The following SYNPR variants were observed in gnomAD, a reference collection of about 807,000 sequenced individuals.
The protein encoded by SYNPR is synaptoporin.
Under a neutral mutation model 32.9 loss-of-function variants are expected in SYNPR, and 23 were observed. The ratio of observed to expected loss-of-function variants is 0.70; its 90% CI spans 0.50 to 0.99. SYNPR has a LOEUF of 0.99. Ranked by LOEUF, SYNPR falls within the 50% of genes least tolerant of loss-of-function variation. The pLI, the probability that SYNPR is intolerant of heterozygous loss-of-function variation, is 0.00. For missense variants in SYNPR, 318 were observed against 349.3 expected, an observed-to-expected ratio of 0.91 and a Z score of 0.71; for synonymous variants, 146 against 135.9, an observed-to-expected ratio of 1.07 and a Z score of -0.52.
At chr3:63,330,412 T>G (rs1261788659) in intron 2 of SYNPR, 1 of 151,522 alleles carries the variant, frequency 6.6e-6, no homozygotes, top group African/African-American at 2.4e-5. Flanking sequence ...TCAAGTATTT[T>G]AAATGATGTA....
rs147226269 is a variant in SYNPR at position 63,328,253 on chromosome 3, C to A, written c.84+49511C>A. On this transcript the variant is annotated intron_variant, in intron 2 of 5. Coordinates refer to ENST00000478300, the MANE Select transcript of SYNPR (RefSeq NM_001130003.2). ...AATGAGAGTGCCTTCTCAGGTTTCC[C>A]TTTATCCTCAGGTTGCAAAAGCTCA... Among the ~76,000 whole-genome samples, 3 of 152,220 alleles carry A rather than the reference C, an allele frequency of 2.0e-5. No homozygotes were observed. In the East Asian group the frequency reaches 5.8e-4, roughly 30 times the overall value.
intron 2 of SYNPR, among the ~76,000 whole-genome samples, chr3:63,466,901 C>A (rs1700692918): frequency 6.6e-6 from 1 of 152,176 alleles, no homozygotes; most frequent in East Asian, 1.9e-4. Flanking sequence ...CTTTGACATG[C>A]AAATTTGGGA....
chr3:63,554,855 T>C (rs1384516009), intron 3 of SYNPR, among the ~76,000 whole-genome samples: 1 of 152,202 alleles, frequency 6.6e-6, no homozygotes, highest in African/African-American at 2.4e-5. Context: ...ACATGGAAAG[T>C]ATTTCCATTT....
chr3:63,528,760 C>T (rs191821198), intron 3 of SYNPR, among the ~76,000 whole-genome samples: 18 of 152,230 alleles, frequency 1.2e-4, no homozygotes, highest in East Asian at 5.8e-4. Flanking sequence ...GAGTACTACG[C>T]GATCTTCCTC....
At chr3:63,460,220 T>C (rs1700556434) in intron 2 of SYNPR, among the ~76,000 whole-genome samples, 2 of 152,106 alleles carry the variant, frequency 1.3e-5, no homozygotes. Flanking sequence ...ATCTAGCCAT[T>C]GACTGTCTCT....
At chr3:63,452,016 A>G in intron 2 of SYNPR, 1 of 696,908 alleles carries the variant, frequency 1.4e-6, no homozygotes, top group South Asian at 1.5e-5. Flanking sequence ...TTCCTCCCCC[A>G]GACCAGTTCC....
At chr3:63,566,719 T>C (rs1015991326) in intron 4 of SYNPR, among the ~76,000 whole-genome samples, 8 of 152,198 alleles carry the variant, frequency 5.3e-5, no homozygotes, top group African/African-American at 1.9e-4. Context: ...ATAGAACCTC[T>C]CTATACTTCT....
chr3:63,513,778 A>G lies in SYNPR; in HGVS notation c.209+32822A>G, dbSNP rs183559240. Among the ~76,000 whole-genome samples the G allele has an allele frequency of 3.3e-3, 505 of 152,252 alleles. 4 individuals carry two copies. The highest frequency in any genetic ancestry group is 0.02 in the Middle Eastern group (6 of 294). On this transcript the variant is annotated intron_variant, in intron 3 of 5. Transcript: ENST00000478300. ...AGTAAATAATCAAATGAATGTACAA[A>G]TGATGGAAGGAATGAGGAGAGGAAG...
chr3:63,457,888 A>G (rs564596583), intron 2 of SYNPR, among the ~76,000 whole-genome samples: 1 of 152,246 alleles, frequency 6.6e-6, no homozygotes, highest in African/African-American at 2.4e-5. Context: ...GATATTACTG[A>G]TAACTCAGAC....
intron 2 of SYNPR, among the ~76,000 whole-genome samples, chr3:63,415,595 A>T (rs1317262309): frequency 6.6e-6 from 1 of 152,226 alleles, no homozygotes; most frequent in African/African-American, 2.4e-5. Flanking sequence ...AAGCAGCCAT[A>T]GACAATATGT....
At chr3:63,470,360 T>C (rs1700773165) in intron 2 of SYNPR, among the ~76,000 whole-genome samples, 1 of 152,230 alleles carries the variant, frequency 6.6e-6, no homozygotes, top group Non-Finnish European at 1.5e-5. Flanking sequence ...TATTTTTTTA[T>C]AGGAATGAAA....
intron 2 of SYNPR, among the ~76,000 whole-genome samples, chr3:63,313,176 C>T (rs577592009): frequency 6.6e-6 from 1 of 152,096 alleles, no homozygotes; most frequent in South Asian, 2.1e-4. Context: ...ATCTTCCTAA[C>T]TCAAGTGGCC....
At chr3:63,497,497 A>G (rs1701393637) in intron 3 of SYNPR, among the ~76,000 whole-genome samples, 1 of 151,734 alleles carries the variant, frequency 6.6e-6, no homozygotes, top group South Asian at 2.1e-4. Flanking sequence ...ACAATTGTCA[A>G]GAGAGAGTAA....
chr3:63,587,750 T>A (rs954046744), intron 4 of SYNPR, among the ~76,000 whole-genome samples: 1 of 152,052 alleles, frequency 6.6e-6, no homozygotes, highest in Admixed American at 6.6e-5. Flanking sequence ...CTTGAGGTAA[T>A]TTAGGTATCC....
At chr3:63,361,563 G>A (rs6810233) in intron 2 of SYNPR, among the ~76,000 whole-genome samples, 37,665 of 147,346 alleles carry the variant, frequency 0.26, 6,409 homozygotes, top group African/African-American at 0.49. Context: ...GCACCACTGC[G>A]CTCCAGCCTG....
At chr3:63,259,005 C>T (rs1560171083) in intron 2 of SYNPR, among the ~76,000 whole-genome samples, 1 of 152,146 alleles carries the variant, frequency 6.6e-6, no homozygotes, top group Non-Finnish European at 1.5e-5. Context: ...CACATACACC[C>T]TCCCAAGACT....
In SYNPR at chr3:63,523,411, T is replaced by A. The variant is rs981115994; in HGVS notation, c.210-33132T>A. Among the ~76,000 whole-genome samples the A allele has an allele frequency of 2.0e-5, 3 of 152,164 alleles. No homozygotes were observed. In the East Asian group the frequency reaches 5.8e-4, roughly 29 times the overall value. ...GTCCTCCAAGCAGGGTCACCGCCAG[T>A]TGGCTGCATTCTTTGAAAAGTGGTC... On this transcript the variant is annotated intron_variant, in intron 3 of 5. Coordinates refer to ENST00000478300, the MANE Select transcript of SYNPR (RefSeq NM_001130003.2).
chr3:63,600,515 T>C (rs1700024667), intron 4 of SYNPR, among the ~76,000 whole-genome samples: 1 of 151,988 alleles, frequency 6.6e-6, no homozygotes, highest in East Asian at 1.9e-4. Flanking sequence ...ATGGTTTGGC[T>C]GTGTCCCCAC....
intron 2 of SYNPR, among the ~76,000 whole-genome samples, chr3:63,259,691 C>G (rs879729539): frequency 1.3e-5 from 2 of 152,162 alleles, no homozygotes; most frequent in East Asian, 1.9e-4. Context: ...TCTCACCACT[C>G]CTATTCAACA....
Sources: gnomAD v4.1 joint callset for allele counts (sites outside exome capture counted in the v4.1 genomes callset) on GRCh38, gnomAD v4.1.1 for gene constraint, MANE v1.5 for transcripts, NCBI Gene and HGNC (gene_info 2026-07-23, HGNC 2026-07-21) for gene names.